OSMR: variants seen among roughly 807,000 people sequenced by gnomAD.
OSMR encodes oncostatin M receptor.
A neutral mutation model predicts 99.9 loss-of-function variants in OSMR; 81 were observed. The ratio of observed to expected loss-of-function variants is 0.81; its 90% CI spans 0.68 to 0.97. The LOEUF is 0.97. OSMR is among the 50% of genes least tolerant of loss of function. The pLI is 0.00. For missense variants in OSMR, 1,099 were observed against 1,153.4 expected (o/e 0.95, Z 0.68); for synonymous variants, 406 against 410.4 (o/e 0.99, Z 0.13).
chr5:38,904,639 G>C, intron 9 of OSMR, 136 bp downstream of exon 9: 1 of 1,014,486 alleles, frequency 9.9e-7, no homozygotes, highest in Non-Finnish European at 1.5e-6. Flanking sequence ...TAAAAAATTA[G>C]ATTAGGTGCC....
chr5:38,930,920 T>TTGTGTGTGTGTGTG (rs55964556), intron 15 of OSMR, among the ~76,000 whole-genome samples: 58 of 141,972 alleles, frequency 4.1e-4, no homozygotes, highest in East Asian at 4.2e-4. Context: ...CAGAAGCATT[T>TTGTGTGTGTGTGTG]TGTGTGTGTG....
chr5:38,868,747 T>C (rs1241879724), intron 1 of OSMR: 1 of 152,206 alleles, frequency 6.6e-6, no homozygotes, highest in East Asian at 1.9e-4. Flanking sequence ...GCTCTTTTCA[T>C]GTCAAAGGTA....
chr5:38,904,005 G>T lies in OSMR; in HGVS notation c.1115G>T (p.Gly372Val). 6.2e-7 allele frequency: 1 copy of T among 1,614,046 alleles called. No individual in the cohort carries two copies. The highest frequency in any genetic ancestry group is 2.2e-5 in the East Asian group (1 of 44,850). Residue 372 changes from glycine to valine, a missense_variant, in exon 8 of 18, where the codon GGT (glycine) becomes GTT (valine). Transcript: ENST00000274276. Reference protein sequence around the residue: ...FTYLCQIELHGEGKMMQYNVS... With the variant: ...FTYLCQIELHVEGKMMQYNVS... The stretch of plus-strand genomic sequence containing the variant: ...TATTTGTGTCAGATTGAACTCCATG[G>T]TGAAGGAAAAATGATGCAAGTAAGA...
At chr5:38,896,272 A>T (rs1176062212) in intron 7 of OSMR, among the ~76,000 whole-genome samples, 2 of 152,074 alleles carry the variant, frequency 1.3e-5, no homozygotes, top group African/African-American at 4.8e-5. Context: ...GATTCTTCCC[A>T]TCTATGAACA....
At chr5:38,912,224 A>G (rs1745634191) in intron 9 of OSMR, among the ~76,000 whole-genome samples, 2 of 152,230 alleles carry the variant, frequency 1.3e-5, no homozygotes, top group Admixed American at 6.5e-5. Flanking sequence ...AAAAGTCAGC[A>G]AAGTTTCAGG....
chr5:38,878,231 G>A (rs577164765), intron 3 of OSMR, among the ~76,000 whole-genome samples: 9 of 152,270 alleles, frequency 5.9e-5, no homozygotes, highest in Admixed American at 3.9e-4. Context: ...TGAAGTTGAC[G>A]AGAACTATCC....
chr5:38,872,767 ATTTG>A (rs1160420035), intron 2 of OSMR, among the ~76,000 whole-genome samples: 1 of 152,112 alleles, frequency 6.6e-6, no homozygotes, highest in East Asian at 1.9e-4. Flanking sequence ...ACTTCCCTTT[ATTTG>A]TTTAAAAAAA....
chr5:38,924,362 G>T, intron 13 of OSMR, 60 bp from the exon 14 acceptor site: 1 of 1,611,210 alleles, frequency 6.2e-7, no homozygotes, highest in Non-Finnish European at 8.5e-7. Flanking sequence ...TAGTTGACAT[G>T]AATATTCTGA....
chr5:38,944,373 A>T, intron 2 of OSMR: 4 of 1,443,700 alleles, frequency 2.8e-6, no homozygotes, highest in Non-Finnish European at 3.8e-6. Context: ...TAACTTTTGA[A>T]GTATTTCAAG....
At chr5:38,939,344 T>C (rs1036018497), downstream of OSMR, 5 of 232,322 alleles carry the variant, frequency 2.2e-5, no homozygotes, top group Non-Finnish European at 3.4e-5. Context: ...GTACACATTA[T>C]GTTAATAATG....
intron 13 of OSMR, 47 bp from the exon 14 acceptor site, chr5:38,924,375 C>A: frequency 6.2e-7 from 1 of 1,612,766 alleles, no homozygotes; most frequent in Non-Finnish European, 8.5e-7. Context: ...TATTCTGAGA[C>A]TGTTTCCAAA....
At chr5:38,942,332 G>A (rs201229460) in intron 1 of OSMR, 2 of 1,598,030 alleles carry the variant, frequency 1.3e-6, no homozygotes, top group Non-Finnish European at 1.7e-6. Flanking sequence ...ATCAACTATA[G>A]GTTGCTTTGG....
At chr5:38,876,456 T>C in intron 3 of OSMR, 83 bp downstream of exon 3, 1 of 1,218,880 alleles carries the variant, frequency 8.2e-7, no homozygotes, top group Non-Finnish European at 1.2e-6. Context: ...ATCTGAAAAA[T>C]TCTCGTTTTG....
intron 7 of OSMR, among the ~76,000 whole-genome samples, chr5:38,887,078 T>C (rs1429644394): frequency 6.6e-6 from 1 of 152,202 alleles, no homozygotes. Flanking sequence ...CCACATCTGT[T>C]TTCTCTTTTA....
chr5:38,917,562 T>C lies in OSMR; in HGVS notation c.1302T>C (p.Pro434=). 6.2e-7 allele frequency: 1 copy of C among 1,613,598 alleles called. No individual in the cohort carries two copies. The highest frequency in any genetic ancestry group is 8.5e-7 in the Non-Finnish European group (1 of 1,179,560). ...TTLEAAPSEA[P]DVWRIVSLEP... is the part of the protein sequence containing the mutation. ...TAATTTCAGCTCCCTCAGAGGCCCC[T>C]GATGTCTGGAGAATTGTGAGCTTGG... The change falls in exon 10 of 18, where the codon CCT becomes CCC. Residue 434 remains proline (P), a synonymous_variant. Transcript: ENST00000274276.
chr5:38,900,966 A>G (rs1200808234), intron 7 of OSMR, among the ~76,000 whole-genome samples: 2 of 152,182 alleles, frequency 1.3e-5, no homozygotes, highest in African/African-American at 4.8e-5. Context: ...TCTTTCCATA[A>G]TTCTTGTCCC....
intron 1 of OSMR, among the ~76,000 whole-genome samples, chr5:38,942,596 A>G (rs1441777426): frequency 6.6e-6 from 1 of 151,156 alleles, no homozygotes; most frequent in African/African-American, 2.4e-5. Context: ...GAATACAGGC[A>G]GATGACACCA....
In OSMR at chr5:38,940,669, G is replaced by A. The variant is rs1358163490; in HGVS notation, c.75-3532G>A. 2 of 232,724 alleles carry A rather than the reference G, an allele frequency of 8.6e-6. 1 individual carries two copies. Among genetic ancestry groups the A allele is most frequent in the Non-Finnish European group, 1.7e-5 (2 of 117,594 alleles). The allele number at this position is 232,724 out of a possible 1,614,324, so 14.4% of individuals were successfully genotyped here. A position where few individuals can be genotyped will look rare whatever the true frequency, so the allele number is the denominator to read the frequency against. On this transcript the variant is annotated intron_variant and NMD_transcript_variant, in intron 1 of 2. Coordinates refer to the OSMR transcript ENST00000508882. Reference sequence around the variant, plus strand: ...TTGTTATAATGTAAGTTGCTACACAGTGCACATAAGAACAATTCACTGAAG... The same window carrying A: ...TTGTTATAATGTAAGTTGCTACACAATGCACATAAGAACAATTCACTGAAG...
At chr5:38,897,492 A>G (rs536751705) in intron 7 of OSMR, among the ~76,000 whole-genome samples, 4 of 152,022 alleles carry the variant, frequency 2.6e-5, no homozygotes, top group Admixed American at 2.6e-4. Context: ...CAGTTGTAAT[A>G]TCTCCCTTTT....
Sources: allele counts gnomAD v4.1 joint callset (sites outside exome capture counted in the v4.1 genomes callset), GRCh38; gene constraint gnomAD v4.1.1; transcripts MANE v1.5; gene names NCBI Gene and HGNC (gene_info 2026-07-23, HGNC 2026-07-21).